The following UBXN6 variants were observed in gnomAD, a reference collection of about 807,000 sequenced individuals.
The protein encoded by UBXN6 is UBX domain-containing protein 6.
In UBXN6, 44 loss-of-function variants were observed where a neutral mutation model predicts 51.4. The ratio of observed to expected loss-of-function variants is 0.86; its 90% CI spans 0.67 to 1.10. The LOEUF (loss-of-function observed/expected upper bound fraction) is 1.10. Among genes scored for constraint, UBXN6 ranks in the 50% least tolerant of loss-of-function variants. The pLI is 0.00. For synonymous variants in UBXN6, 316 were observed against 263.2 expected (o/e 1.20, Z -1.94); for missense variants, 672 against 596.1 (o/e 1.13, Z -1.32).
chr19:4,452,291 G>A, intron 4 of UBXN6, 73 bp downstream of exon 4: 1 of 1,577,400 alleles, frequency 6.3e-7, no homozygotes, highest in South Asian at 1.2e-5. Context: ...TGTACCACCT[G>A]GGCTTCCGAT....
Position 4,446,553 on chromosome 19 carries a change from A to G in UBXN6, c.867T>C (p.Pro289=), listed in dbSNP as rs1974528984. ...CTGCTGTGAGGTTGAAGAAGTCCCC[A>G]GGCAGTTCGAACTGCGAGGCCAGGG... The part of the protein sequence containing the change: ...PSPLASQFEL[P]GDFFNLTAEE... Residue 289 remains proline (P), a synonymous_variant, in exon 8 of 11, where the codon CCT becomes CCC. Transcript: ENST00000301281. The G allele has an allele frequency of 6.2e-7, 1 of 1,612,360 alleles. No individual in the cohort carries two copies. Among genetic ancestry groups the G allele is most frequent in the Non-Finnish European group, 8.5e-7 (1 of 1,179,872 alleles).
At position 4,453,991 on chromosome 19, in the gene UBXN6, C is replaced by G. The variant is rs1448604045; in HGVS notation, c.186G>C (p.Arg62=). Residue 62 remains arginine, a synonymous_variant, in exon 2 of 11, where the codon CGG becomes CGC. Coordinates refer to ENST00000301281, the MANE Select transcript of UBXN6 (RefSeq NM_025241.3). ...AQMAAAAALA[R]LEQKQSRAWG... ...AGGCCCGGGACTGCTTCTGCTCCAGCCGGGCTAGGGCGGCAGCGGCTGCCA... is the reference window on the plus strand; with the variant it reads ...AGGCCCGGGACTGCTTCTGCTCCAGGCGGGCTAGGGCGGCAGCGGCTGCCA... 2.5e-6 allele frequency: 4 copies of G among 1,610,710 alleles called. No homozygotes were observed. The East Asian group carries it at 8.9e-5, about 36-fold the overall frequency.
chr19:4,457,104 G>A (rs1974749372), intron 1 of UBXN6, among the ~76,000 whole-genome samples: 1 of 151,964 alleles, frequency 6.6e-6, no homozygotes, highest in South Asian at 2.1e-4. Context: ...CCTCCTCCAA[G>A]CTCAGCTCCC....
rs199562374 is a variant in UBXN6, at chr19:4,446,365, C to G, written c.969G>C (p.Arg323=). 3 of 1,573,662 alleles carry G rather than the reference C, an allele frequency of 1.9e-6. No homozygotes were observed. In the East Asian group the frequency reaches 6.9e-5, roughly 36 times the overall value. The change falls in exon 9 of 11, where the codon CGG becomes CGC. Residue 323 remains arginine (R), a synonymous_variant. Coordinates refer to ENST00000301281, the MANE Select transcript of UBXN6 (RefSeq NM_025241.3). ...GCAGCCCCCGCTGCTCCTCCTTCTC[C>G]CGCATGGCCTTGGTCCGCAGCACGC... is the stretch of plus-strand genomic sequence containing the variant. ...RLSVLRTKAM[R]EKEEQRGLRK... is the part of the protein sequence containing the mutation.
Position 4,445,435 on chromosome 19 carries a change from G to C in UBXN6, c.*63C>G. The C allele has an allele frequency of 6.2e-7, 1 of 1,602,288 alleles. No homozygotes were observed. The highest frequency in any genetic ancestry group is 1.3e-5 in the African/African-American group (1 of 74,832). ...GGTGGCTTGGAGGCCCTGGGGTGGCGGGGAGAGGAACAGGGAGAGCATGAG... is the reference window on the plus strand; with the variant it reads ...GGTGGCTTGGAGGCCCTGGGGTGGCCGGGAGAGGAACAGGGAGAGCATGAG... On this transcript the variant is annotated 3_prime_UTR_variant, in exon 11 of 11. Transcript: ENST00000301281.
Position 4,446,473 on chromosome 19 carries a change from ACT to A in UBXN6, c.920+25_920+26del, listed in dbSNP as rs748075251. On this transcript the variant is annotated intron_variant, in intron 8 of 10. Transcript: ENST00000301281. ...GGGTTCTTCCACCCCGCCCCGCCCC[ACT>A]CTGCTCCGCGGACGTCAGGCCCACC... The A allele has an allele frequency of 4.4e-6, 7 of 1,594,414 alleles. No homozygotes were observed. In the East Asian group the frequency reaches 1.1e-4, roughly 26 times the overall value.
intron 2 of UBXN6, 55 bp downstream of exon 2, chr19:4,453,875 A>T: frequency 6.9e-7 from 1 of 1,454,150 alleles, no homozygotes; most frequent in East Asian, 2.5e-5. Flanking sequence ...GCCAGGCACC[A>T]GGGCCGAGAA....
rs1173521988 is a variant in UBXN6 at position 4,453,377 on chromosome 19, A to C, written c.312+81T>G. Reference sequence around the variant, plus strand: ...CCAACAGCCCTTGAGCCCCAAGGGCAGAGGCCACATCTCCCCCGTGACACA... The same window carrying C: ...CCAACAGCCCTTGAGCCCCAAGGGCCGAGGCCACATCTCCCCCGTGACACA... On this transcript the variant is annotated intron_variant, in intron 3 of 10. Transcript: ENST00000301281. 1.4e-5 allele frequency: 21 copies of C among 1,493,740 alleles called. No homozygotes were observed. The East Asian group carries it at 4.8e-4, about 34-fold the overall frequency. The allele number at this position is 1,493,740 out of a possible 1,614,324, so 92.5% of individuals were successfully genotyped here. A position where few individuals can be genotyped will look rare whatever the true frequency, so the allele number is the denominator to read the frequency against.
intron 1 of UBXN6, among the ~76,000 whole-genome samples, chr19:4,455,940 C>T (rs768028773): frequency 6.6e-6 from 1 of 152,076 alleles, no homozygotes; most frequent in South Asian, 2.1e-4. Context: ...CATCCAAGGT[C>T]TGTTGGTTTA....
Position 4,446,562 on chromosome 19 carries a change from G to A in UBXN6, c.858C>T (p.Phe286=), listed in dbSNP as rs372052682. Residue 286 remains phenylalanine (F), a synonymous_variant, in exon 8 of 11, where the codon TTC becomes TTT. Coordinates refer to ENST00000301281, the MANE Select transcript of UBXN6 (RefSeq NM_025241.3). ...GGTTGAAGAAGTCCCCAGGCAGTTC[G>A]AACTGCGAGGCCAGGGGCGAGGGCT... ...VFQPSPLASQ[F]ELPGDFFNLT... 1.5e-4 allele frequency: 236 copies of A among 1,612,466 alleles called. No homozygotes were observed. Among genetic ancestry groups the A allele is most frequent in the Admixed American group, 8.0e-4 (48 of 60,020 alleles).
chr19:4,457,259 C>G (rs983755315), intron 1 of UBXN6, among the ~76,000 whole-genome samples: 1 of 151,538 alleles, frequency 6.6e-6, no homozygotes, highest in Non-Finnish European at 1.5e-5. Flanking sequence ...CAACTGCCTA[C>G]AGCCCCGTCG....
Position 4,446,060 on chromosome 19 carries a change from C to CAAGGCCAG in UBXN6, c.1188_1189insCTGGCCTT (p.Glu397LeufsTer13). On this transcript the variant is annotated frameshift_variant, in exon 10 of 11. Transcript: ENST00000301281. LOFTEE classifies it high-confidence loss of function. ...GGGCCGACACTCACCAGCCCGCACT[C>CAAGGCCAG]GTTCAAGGCCAGGTTCTCGTCCTCG... 1 of 1,611,698 alleles carries CAAGGCCAG rather than the reference C, an allele frequency of 6.2e-7. No homozygotes were observed. The highest frequency in any genetic ancestry group is 8.5e-7 in the Non-Finnish European group (1 of 1,179,346).
At chr19:4,455,837 C>G (rs1974732552) in intron 1 of UBXN6, among the ~76,000 whole-genome samples, 1 of 152,142 alleles carries the variant, frequency 6.6e-6, no homozygotes, top group Non-Finnish European at 1.5e-5. Flanking sequence ...CTCACTGTGT[C>G]CTGGGAGAGG....
chr19:4,454,872 C>G (rs1974717512), intron 1 of UBXN6: 1 of 152,276 alleles, frequency 6.6e-6, no homozygotes, highest in Non-Finnish European at 1.5e-5. Flanking sequence ...GTTTACTCCT[C>G]CTAACAAGCT....
At chr19:4,448,115 T>G in intron 5 of UBXN6, 1 of 598,306 alleles carries the variant, frequency 1.7e-6, no homozygotes, top group South Asian at 2.0e-5. Flanking sequence ...ACACCTTCAT[T>G]TTGCACACGG....
Position 4,445,847 on chromosome 19 carries a change from G to A in UBXN6, c.1200+202C>T. The A allele has an allele frequency of 2.9e-6, 3 of 1,049,862 alleles. No homozygotes were observed. In the South Asian group the frequency reaches 4.9e-5, roughly 17 times the overall value. 65.0% of individuals were successfully genotyped at this position (1,049,862 alleles called of 1,614,324 possible). On this transcript the variant is annotated intron_variant, in intron 10 of 10. Coordinates refer to ENST00000301281, the MANE Select transcript of UBXN6 (RefSeq NM_025241.3). ...ACGCACGTCACCGCTCCCATTTGATGGGGAAACTGAGGCGTGGAGTAGTTA... is the reference window on the plus strand; with the variant it reads ...ACGCACGTCACCGCTCCCATTTGATAGGGAAACTGAGGCGTGGAGTAGTTA...
chr19:4,454,330 C>CG (rs1459478076), intron 1 of UBXN6, among the ~76,000 whole-genome samples: 1 of 152,202 alleles, frequency 6.6e-6, no homozygotes, highest in Non-Finnish European at 1.5e-5. Flanking sequence ...TCTGCACCAT[C>CG]GGGCAAGTCC....
intron 1 of UBXN6, among the ~76,000 whole-genome samples, chr19:4,455,994 G>A (rs1253224558): frequency 6.6e-6 from 1 of 152,050 alleles, no homozygotes; most frequent in African/African-American, 2.4e-5. Context: ...TGGGACAGCA[G>A]AGGCCTTCTC....
intron 1 of UBXN6, chr19:4,454,781 T>A (rs1471554594): frequency 6.6e-6 from 1 of 152,168 alleles, no homozygotes; most frequent in Non-Finnish European, 1.5e-5. Context: ...GCCATAAGAC[T>A]CTCCACCCTC....
Sources: allele counts gnomAD v4.1 joint callset (sites outside exome capture counted in the v4.1 genomes callset), GRCh38; gene constraint gnomAD v4.1.1; transcripts MANE v1.5; gene names NCBI Gene and HGNC (gene_info 2026-07-23, HGNC 2026-07-21).